The following ORC4 variants were observed in gnomAD, a reference collection of about 807,000 sequenced individuals.
The protein encoded by ORC4 is origin recognition complex subunit 4.
A neutral mutation model predicts 63.9 loss-of-function variants in ORC4; 55 were observed. The ratio of observed to expected loss-of-function variants is 0.86; its 90% CI spans 0.69 to 1.08. The LOEUF is 1.08. Among genes scored for constraint, ORC4 ranks in the 50% least tolerant of loss-of-function variants. The pLI is 0.00. For synonymous variants in ORC4, 150 were observed against 168.5 expected, an observed-to-expected ratio of 0.89 and a Z score of 0.85; for missense variants, 511 against 504.4, an observed-to-expected ratio of 1.01 and a Z score of -0.13.
At chr2:147,937,845 T>G in intron 13 of ORC4, 1 of 338,730 alleles carries the variant, frequency 3.0e-6, no homozygotes, top group African/African-American at 2.1e-5. Context: ...GCTGAGATTA[T>G]AAAAGCCAAT....
chr2:147,941,398 C>T (rs974078207), intron 10 of ORC4, among the ~76,000 whole-genome samples: 4 of 151,846 alleles, frequency 2.6e-5, no homozygotes, highest in Non-Finnish European at 4.4e-5. Flanking sequence ...CTCTCCAAAG[C>T]ACTTACACAT....
intron 1 of ORC4, among the ~76,000 whole-genome samples, chr2:147,987,956 G>A (rs1176080863): frequency 6.6e-6 from 1 of 151,748 alleles, no homozygotes; most frequent in Non-Finnish European, 1.5e-5. Flanking sequence ...GGGAGGCTTA[G>A]GCAGGAGAAT....
intron 1 of ORC4, among the ~76,000 whole-genome samples, chr2:148,005,217 T>C (rs1692553196): frequency 6.6e-6 from 1 of 152,190 alleles, no homozygotes; most frequent in South Asian, 2.1e-4. Context: ...CATGGAATAC[T>C]ATGAAGCCAT....
intron 4 of ORC4, among the ~76,000 whole-genome samples, chr2:147,972,161 T>C (rs1049952979): frequency 3.9e-5 from 6 of 152,112 alleles, no homozygotes; most frequent in Non-Finnish European, 8.8e-5. Flanking sequence ...TAAGTAAGAA[T>C]ATCTTTTTGA....
chr2:147,991,976 C>T (rs1392041544), intron 1 of ORC4, among the ~76,000 whole-genome samples: 2 of 152,058 alleles, frequency 1.3e-5, no homozygotes, highest in East Asian at 1.9e-4. Context: ...TTAAAGTATA[C>T]GTCTTAAAAT....
intron 4 of ORC4, among the ~76,000 whole-genome samples, chr2:147,968,274 A>AT (rs1188539230): frequency 2.0e-5 from 3 of 152,094 alleles, no homozygotes; most frequent in African/African-American, 7.2e-5. Context: ...CACAGACAAC[A>AT]TAAAAAAATA....
At position 147,934,315 on chromosome 2, in the gene ORC4, T is replaced by C. The variant is rs1687927900; in HGVS notation, c.*1195A>G. 1 of 152,212 alleles carries C rather than the reference T, an allele frequency of 6.6e-6. No individual in the cohort carries two copies. The highest frequency in any genetic ancestry group is 6.5e-5 in the Admixed American group (1 of 15,272). The allele number at this position is 152,212 out of a possible 1,614,324, so 9.4% of individuals were successfully genotyped here. A position where few individuals can be genotyped will look rare whatever the true frequency, so the allele number is the denominator to read the frequency against. ...TTGAACAAATGAAGTCACTAAGTGC[T>C]CATTAAATTTCATTTTAAATATATG... On this transcript the variant is annotated 3_prime_UTR_variant, in exon 14 of 14. Transcript: ENST00000392857.
At chr2:147,989,749 C>A (rs1691465389) in intron 1 of ORC4, among the ~76,000 whole-genome samples, 1 of 152,008 alleles carries the variant, frequency 6.6e-6, no homozygotes, top group Admixed American at 6.6e-5. Flanking sequence ...GAAACAAAAA[C>A]CATGCACCAC....
chr2:147,994,932 C>A (rs1013510573), intron 1 of ORC4, among the ~76,000 whole-genome samples: 31 of 152,248 alleles, frequency 2.0e-4, no homozygotes, highest in African/African-American at 7.5e-4. Flanking sequence ...ACAGGTGAAG[C>A]CAGCTGGACT....
At chr2:148,008,985 T>C (rs751115966) in intron 1 of ORC4, among the ~76,000 whole-genome samples, 8 of 152,046 alleles carry the variant, frequency 5.3e-5, no homozygotes, top group Non-Finnish European at 8.8e-5. Flanking sequence ...TATAAAAATA[T>C]ATAGAGACAA....
Position 147,975,927 on chromosome 2 carries a change from A to G in ORC4, c.32T>C (p.Leu11Ser). The change falls in exon 2 of 14, where the codon TTA becomes TCA. Residue 11 changes from leucine (L) to serine (S), a missense_variant. By Grantham distance (145) the Leu-to-Ser change is moderately radical. Transcript: ENST00000392857. ...CTGTGAAAGGCACTCTGTGTGAATT[A>G]AGCTGTTACTCTTTGATTTACGACT... is the stretch of plus-strand genomic sequence containing the variant. MSSRKSKSNSLIHTECLSQVQ... is the reference protein window; with the variant it reads MSSRKSKSNSSIHTECLSQVQ... 1 of 1,593,846 alleles carries G rather than the reference A, an allele frequency of 6.3e-7. No homozygotes were observed. Among genetic ancestry groups the G allele is most frequent in the Non-Finnish European group, 8.6e-7 (1 of 1,161,934 alleles).
intron 1 of ORC4, among the ~76,000 whole-genome samples, chr2:148,014,162 A>T (rs1693132014): frequency 6.6e-6 from 1 of 152,202 alleles, no homozygotes; most frequent in Non-Finnish European, 1.5e-5. Flanking sequence ...TGTGCAATAC[A>T]GCGAGACCTC....
At chr2:147,943,394 C>G in intron 10 of ORC4, 42 bp downstream of exon 10, 1 of 1,365,454 alleles carries the variant, frequency 7.3e-7, no homozygotes, top group Non-Finnish European at 1.0e-6. Flanking sequence ...CTATTAAAAA[C>G]AAAAACAAAG....
intron 1 of ORC4, among the ~76,000 whole-genome samples, chr2:148,019,076 GCAGACAATTGGTTACACTATAAAGA>G (rs1024309638): frequency 4.0e-5 from 6 of 151,810 alleles, no homozygotes; most frequent in Admixed American, 6.6e-5. Context: ...TTACAAAGTG[GCAGACAATTGGTTACACTATAAAGA>G]CAGACAATTG....
At chr2:147,946,654 G>T (rs1370894711) in intron 9 of ORC4, among the ~76,000 whole-genome samples, 1 of 151,904 alleles carries the variant, frequency 6.6e-6, no homozygotes, top group Non-Finnish European at 1.5e-5. Context: ...ATTATATCAA[G>T]GCATAATATC....
At chr2:147,988,081 A>G (rs1272269082) in intron 1 of ORC4, among the ~76,000 whole-genome samples, 7 of 151,866 alleles carry the variant, frequency 4.6e-5, no homozygotes, top group Non-Finnish European at 8.8e-5. Context: ...AAGTATTGTA[A>G]TATGTTTACC....
At position 147,934,066 on chromosome 2, in the gene ORC4, A is replaced by C. The variant is rs1179831055; in HGVS notation, c.*1444T>G. ...CTATTTGGTAAGGAATCCACTGTTGAACTTCAGGTCTTAATAGCACTGGCT... is the reference window on the plus strand; with the variant it reads ...CTATTTGGTAAGGAATCCACTGTTGCACTTCAGGTCTTAATAGCACTGGCT... On this transcript the variant is annotated 3_prime_UTR_variant, in exon 14 of 14. Transcript: ENST00000392857. 1 of 152,198 alleles carries C rather than the reference A, an allele frequency of 6.6e-6. No homozygotes were observed. The highest frequency in any genetic ancestry group is 2.4e-5 in the African/African-American group (1 of 41,462). The allele number at this position is 152,198 out of a possible 1,614,324, so 9.4% of individuals were successfully genotyped here. A position where few individuals can be genotyped will look rare whatever the true frequency, so the allele number is the denominator to read the frequency against.
rs1317912088 is a variant in ORC4, at chr2:147,931,342, C to T, written c.*4168G>A. On this transcript the variant is annotated 3_prime_UTR_variant, in exon 14 of 14. Transcript: ENST00000392857. ...ACGTGTGCATGTGTCTTTATAGCAG[C>T]ATGATTTATAGTCCTTTGGGTATAT... 1 of 151,872 alleles carries T rather than the reference C, an allele frequency of 6.6e-6. No individual in the cohort carries two copies. Among genetic ancestry groups the T allele is most frequent in the African/African-American group, 2.4e-5 (1 of 41,338 alleles). 9.4% of individuals were successfully genotyped at this position (151,872 alleles called of 1,614,324 possible).
At chr2:147,985,995 G>C (rs1250177463) in intron 1 of ORC4, among the ~76,000 whole-genome samples, 1 of 152,116 alleles carries the variant, frequency 6.6e-6, no homozygotes, top group South Asian at 2.1e-4. Flanking sequence ...AAACATAGCA[G>C]AGGAATACAT....
Sources: allele counts gnomAD v4.1 joint callset (sites outside exome capture counted in the v4.1 genomes callset), GRCh38; gene constraint gnomAD v4.1.1; transcripts MANE v1.5; gene names NCBI Gene and HGNC (gene_info 2026-07-23, HGNC 2026-07-21).